PDIA2: variants seen among roughly 807,000 people sequenced by gnomAD.
PDIA2 encodes protein disulfide-isomerase A2.
In PDIA2, 76 loss-of-function variants were observed where a neutral mutation model predicts 51.1. The observed-to-expected ratio is 1.49, with a 90% CI of 1.24 to 1.80. PDIA2 has a LOEUF of 1.80. Ranked by LOEUF, PDIA2 falls within the 40% of genes most tolerant of loss-of-function variation. The pLI, the probability that PDIA2 is intolerant of heterozygous loss-of-function variation, is 0.00. For missense variants in PDIA2, 946 were observed against 706.5 expected (o/e 1.34, Z -3.84); for synonymous variants, 429 against 309.9 (o/e 1.38, Z -4.04).
At chr16:286,494 G>A (rs199919358) in intron 8 of PDIA2, 21 bp downstream of exon 8, 83 of 1,613,042 alleles carry the variant, frequency 5.1e-5, no homozygotes, top group Admixed American at 5.0e-5. Context: ...AGGGAGGCAG[G>A]GGTGGTGTGG....
intron 7 of PDIA2, among the ~76,000 whole-genome samples, chr16:286,082 C>T (rs1216701347): frequency 8.5e-6 from 1 of 117,352 alleles, no homozygotes; most frequent in South Asian, 2.8e-4. Context: ...GGTCCCTCCC[C>T]CCACCAAACC....
intron 1 of PDIA2, 185 bp from the exon 2 acceptor site, chr16:284,202 C>T: frequency 1.5e-6 from 1 of 653,572 alleles, no homozygotes; most frequent in Non-Finnish European, 2.7e-6. Flanking sequence ...CAAGCTCTCC[C>T]AAGCCTTACT....
chr16:284,364 G>A, intron 1 of PDIA2, 23 bp from the exon 2 acceptor site: 1 of 1,536,142 alleles, frequency 6.5e-7, no homozygotes, highest in Non-Finnish European at 8.7e-7. Flanking sequence ...GTGGCCTGGG[G>A]CACTCACGGC....
At chr16:285,038 T>C in intron 4 of PDIA2, 23 bp downstream of exon 4, 1 of 1,613,156 alleles carries the variant, frequency 6.2e-7, no homozygotes, top group Non-Finnish European at 8.5e-7. Flanking sequence ...CAGGTGTGGG[T>C]TGGGGTCCGG....
rs892882155 is a variant in PDIA2 at position 284,974 on chromosome 16, C to T, written c.637C>T (p.Gln213Ter). 4 of 1,613,452 alleles carry T rather than the reference C, an allele frequency of 2.5e-6. No homozygotes were observed. The highest frequency in any genetic ancestry group is 1.1e-5 in the South Asian group (1 of 91,088). ...CACAGACCGGCCGCGGCTCTTTCAGCAGTTTGGCCTCACCAAGGACACTGT... is the reference window on the plus strand; with the variant it reads ...CACAGACCGGCCGCGGCTCTTTCAGTAGTTTGGCCTCACCAAGGACACTGT... Reference protein sequence around the residue: ...GLTDRPRLFQQFGLTKDTVVL... With the variant: ...GLTDRPRLFQ The change falls in exon 4 of 11, where the codon CAG becomes TAG. Residue 213 changes from glutamine to a stop codon, truncating the protein, a stop_gained. Transcript: ENST00000219406. LOFTEE classifies it high-confidence loss of function.
chr16:284,158 G>A, intron 1 of PDIA2: 1 of 594,322 alleles, frequency 1.7e-6, no homozygotes, highest in Non-Finnish European at 3.0e-6. Context: ...GTGAGCCACT[G>A]AGCCTGGCTG....
chr16:285,036 G>C (rs771398450), intron 4 of PDIA2, 21 bp downstream of exon 4: 3 of 1,613,276 alleles, frequency 1.9e-6, no homozygotes, highest in Non-Finnish European at 2.5e-6. Context: ...CCCAGGTGTG[G>C]GTTGGGGTCC....
In PDIA2 at chr16:284,085, C is replaced by T. The variant is rs370474893; in HGVS notation, c.200-302C>T. ...GTTTCTCCATGTTGGTCAGGCTGGT[C>T]TCGAACTCCCAACCTCAGGTGATAT... On this transcript the variant is annotated intron_variant, in intron 1 of 10. Coordinates refer to ENST00000219406, the MANE Select transcript of PDIA2 (RefSeq NM_006849.4). 3.8e-4 allele frequency: 179 copies of T among 464,948 alleles called. 3 individuals carry two copies. In the East Asian group the frequency reaches 6.2e-3, roughly 16 times the overall value. The allele number at this position is 464,948 out of a possible 1,614,324, so 28.8% of individuals were successfully genotyped here. A position where few individuals can be genotyped will look rare whatever the true frequency, so the allele number is the denominator to read the frequency against.
Position 285,578 on chromosome 16 carries a change from GC to G in PDIA2, c.995del (p.Ala332GlufsTer46). 1.9e-6 allele frequency: 3 copies of G among 1,613,232 alleles called. No homozygotes were observed. In the South Asian group the frequency reaches 3.3e-5, roughly 18 times the overall value. The part of the protein sequence containing the change: ...VLQYFGLKAE[A>X]APTLRLVNLE... Reference sequence around the variant, plus strand: ...GCAGTACTTTGGACTCAAGGCTGAGGCAGCCCCCACTCTGCGCTTGGTCAAC... The same window carrying G: ...GCAGTACTTTGGACTCAAGGCTGAGGAGCCCCCACTCTGCGCTTGGTCAAC... On this transcript the variant is annotated frameshift_variant, in exon 7 of 11. Transcript: ENST00000219406. LOFTEE classifies it high-confidence loss of function.
rs1488035037 is a variant in PDIA2, at chr16:285,443, G to C, written c.921+6G>C. 6.2e-7 allele frequency: 1 copy of C among 1,610,830 alleles called. No individual in the cohort carries two copies. Among genetic ancestry groups the C allele is most frequent in the East Asian group, 2.2e-5 (1 of 44,872 alleles). On this transcript the variant is annotated splice_donor_region_variant and intron_variant, in intron 6 of 10. Transcript: ENST00000219406. Reference sequence around the variant, plus strand: ...CTCCCCGCTTCCGGGGGCAGGTACTGGGGGGCTGGGGGAAAGGGGCAGCGG... The same window carrying C: ...CTCCCCGCTTCCGGGGGCAGGTACTCGGGGGCTGGGGGAAAGGGGCAGCGG...
Position 284,665 on chromosome 16 carries a change from G to C in PDIA2, c.413G>C (p.Arg138Pro). 6.3e-7 allele frequency: 1 copy of C among 1,593,878 alleles called. No individual in the cohort carries two copies. The highest frequency in any genetic ancestry group is 8.5e-7 in the Non-Finnish European group (1 of 1,175,396). The change falls in exon 3 of 11, where the codon CGG becomes CCG. Residue 138 changes from arginine (R) to proline (P), a missense_variant. Coordinates refer to ENST00000219406, the MANE Select transcript of PDIA2 (RefSeq NM_006849.4). ...RTHPEEYTGP[R>P]DAEGIAEWLR... ...TGAGGGGGACTCCCTGCAGGACCAC[G>C]GGACGCTGAGGGCATTGCCGAGTGG...
At position 285,418 on chromosome 16, in the gene PDIA2, C is replaced by T. The variant is rs778650775; in HGVS notation, c.902C>T (p.Ala301Val). ...RELLAGFGEA[A>V]PRFRGQVLFV... Reference sequence around the variant, plus strand: ...CTCCTAGCGGGCTTTGGGGAGGCAGCTCCCCGCTTCCGGGGGCAGGTACTG... The same window carrying T: ...CTCCTAGCGGGCTTTGGGGAGGCAGTTCCCCGCTTCCGGGGGCAGGTACTG... The change falls in exon 6 of 11, where the codon GCT becomes GTT. Residue 301 changes from alanine to valine, a missense_variant. Ala to Val is a moderately conservative substitution (Grantham distance 64). Transcript: ENST00000219406. 6.8e-6 allele frequency: 11 copies of T among 1,610,928 alleles called. No individual in the cohort carries two copies. The South Asian group carries it at 1.1e-4, about 16-fold the overall frequency.
Position 284,520 on chromosome 16 carries a change from G to A in PDIA2, c.333G>A (p.Glu111=), listed in dbSNP as rs777153595. 8 of 1,612,334 alleles carry A rather than the reference G, an allele frequency of 5.0e-6. No homozygotes were observed. The African/African-American group carries it at 5.3e-5, about 11-fold the overall frequency. ...DGPAQRELAE[E]FGVTEYPTLK... is the part of the protein sequence containing the mutation. ...CCGCGCAGCGCGAGCTGGCTGAGGA[G>A]TTTGGTGTGACGGAGTACCCTACGC... is the stretch of plus-strand genomic sequence containing the variant. The change falls in exon 2 of 11, where the codon GAG becomes GAA. Residue 111 remains glutamate, a synonymous_variant. Coordinates refer to ENST00000219406, the MANE Select transcript of PDIA2 (RefSeq NM_006849.4).
At position 286,820 on chromosome 16, in the gene PDIA2, C is replaced by G. The variant is rs1042166630; in HGVS notation, c.1423-15C>G. ...GGGCCCCACGTGTCCTCCAGATCCC[C>G]CTGCCTCTTCTCAGGTGATTGAATA... On this transcript the variant is annotated splice_polypyrimidine_tract_variant and intron_variant, in intron 9 of 10. Transcript: ENST00000219406. 1.9e-6 allele frequency: 3 copies of G among 1,611,140 alleles called. No individual in the cohort carries two copies. The highest frequency in any genetic ancestry group is 2.5e-6 in the Non-Finnish European group (3 of 1,179,200).
chr16:285,509 CT>C lies in PDIA2; in HGVS notation c.926del (p.Leu309ArgfsTer69), dbSNP rs757395550. The C allele has an allele frequency of 6.2e-7, 1 of 1,612,868 alleles. No individual in the cohort carries two copies. The highest frequency in any genetic ancestry group is 8.5e-7 in the Non-Finnish European group (1 of 1,179,902). The part of the protein sequence containing the change: ...EAAPRFRGQV[L>X]FVVVDVAADN... ...CAGCATGGACTCCCTGCCACAGGTGCTGTTCGTGGTGGTGGACGTGGCGGCC... is the reference window on the plus strand; with the variant it reads ...CAGCATGGACTCCCTGCCACAGGTGCGTTCGTGGTGGTGGACGTGGCGGCC... On this transcript the variant is annotated frameshift_variant, in exon 7 of 11. Coordinates refer to ENST00000219406, the MANE Select transcript of PDIA2 (RefSeq NM_006849.4). LOFTEE classifies it high-confidence loss of function.
In PDIA2 at chr16:284,406, C is replaced by T. The variant is rs1469519888; in HGVS notation, c.219C>T (p.His73=). 6.4e-7 allele frequency: 1 copy of T among 1,567,564 alleles called. No homozygotes were observed. The highest frequency in any genetic ancestry group is 2.3e-5 in the East Asian group (1 of 42,894). Residue 73 remains histidine (H), a synonymous_variant, in exon 2 of 11, where the codon CAC becomes CAT. Coordinates refer to ENST00000219406, the MANE Select transcript of PDIA2 (RefSeq NM_006849.4). ...CCCCAGATGCCCCGTGGTGTGGGCA[C>T]TGCCAGGCCCTGGCCCCCGAGTACA... ...LVEFYAPWCG[H]CQALAPEYSK...
At position 284,598 on chromosome 16, in the gene PDIA2, G is replaced by A. The variant is rs908203678; in HGVS notation, c.406+5G>A. 1 of 1,609,430 alleles carries A rather than the reference G, an allele frequency of 6.2e-7. No homozygotes were observed. Among genetic ancestry groups the A allele is most frequent in the African/African-American group, 1.4e-5 (1 of 73,736 alleles). On this transcript the variant is annotated splice_donor_5th_base_variant and intron_variant, in intron 2 of 10. Transcript: ENST00000219406. ...CGCACCCGGAGGAGTACACAGGTGAGGGGCAGGCCGGTCATTGGGGGGGCG... is the reference window on the plus strand; with the variant it reads ...CGCACCCGGAGGAGTACACAGGTGAAGGGCAGGCCGGTCATTGGGGGGGCG...
chr16:285,604 C>A lies in PDIA2; in HGVS notation c.1020C>A (p.Asn340Lys). The A allele has an allele frequency of 6.2e-7, 1 of 1,613,318 alleles. No individual in the cohort carries two copies. The change falls in exon 7 of 11, where the codon AAC becomes AAA. Residue 340 changes from asparagine to lysine, a missense_variant. Transcript: ENST00000219406. ...AEAAPTLRLV[N>K]LETTKKYAPV... ...CAGCCCCCACTCTGCGCTTGGTCAA[C>A]CTTGAAACCACTAAGAAGTATGCGC...
chr16:283,246 C>G lies in PDIA2; in HGVS notation c.77C>G (p.Ala26Gly). ...ASCPWGQEQG[A>G]RSPSEEPPEE... ...TGCCCATGGGGTCAGGAACAGGGAG[C>G]GAGGAGCCCCTCGGAGGAGCCTCCA... The change falls in exon 1 of 11, where the codon GCG becomes GGG. Residue 26 changes from alanine to glycine, a missense_variant. Physicochemically the swap from Ala to Gly is moderately conservative, Grantham distance 60 (BLOSUM62 0). Transcript: ENST00000219406. 2 of 1,610,112 alleles carry G rather than the reference C, an allele frequency of 1.2e-6. No homozygotes were observed. Among genetic ancestry groups the G allele is most frequent in the Non-Finnish European group, 1.7e-6 (2 of 1,178,860 alleles).
Sources: allele counts gnomAD v4.1 joint callset (sites outside exome capture counted in the v4.1 genomes callset), GRCh38; gene constraint gnomAD v4.1.1; transcripts MANE v1.5; gene names NCBI Gene and HGNC (gene_info 2026-07-23, HGNC 2026-07-21).